Variants in DAAM1 observed in about 807,000 individuals in gnomAD.
The protein encoded by DAAM1 is dishevelled associated activator of morphogenesis 1, also known as disheveled-associated activator of morphogenesis 1.
Under a neutral mutation model 130.0 loss-of-function variants are expected in DAAM1, and 52 were observed. That is an observed-to-expected ratio of 0.40 (90% CI 0.32 to 0.50). The LOEUF (loss-of-function observed/expected upper bound fraction) is 0.50. DAAM1 is among the 20% of genes least tolerant of loss of function. The pLI, the probability that DAAM1 is intolerant of heterozygous loss-of-function variation, is 0.61. For missense variants in DAAM1, 1,134 were observed against 1,303.8 expected (o/e 0.87, Z 2.01); for synonymous variants, 452 against 444.5 (o/e 1.02, Z -0.21).
chr14:59,238,561 T>G (rs1308634821), intron 1 of DAAM1, among the ~76,000 whole-genome samples: 2 of 152,060 alleles, frequency 1.3e-5, no homozygotes, highest in East Asian at 3.9e-4. Flanking sequence ...GCACTTGTAC[T>G]TACTGTGATC....
intron 22 of DAAM1, chr14:59,363,415 G>C: frequency 2.3e-6 from 1 of 441,764 alleles, no homozygotes; most frequent in Non-Finnish European, 4.1e-6. Flanking sequence ...CATAGATCAA[G>C]TACTTAGATT....
chr14:59,254,968 C>T (rs1394072112), intron 1 of DAAM1, among the ~76,000 whole-genome samples: 1 of 152,198 alleles, frequency 6.6e-6, no homozygotes, highest in South Asian at 2.1e-4. Flanking sequence ...CCTGGGTGCC[C>T]TCCTCCCTTA....
intron 1 of DAAM1, among the ~76,000 whole-genome samples, chr14:59,227,373 A>G (rs991481665): frequency 9.9e-5 from 15 of 152,140 alleles, no homozygotes; most frequent in African/African-American, 3.6e-4. Context: ...CTGACTATGT[A>G]GGTCACCTTC....
chr14:59,214,445 A>C (rs1313471025), intron 1 of DAAM1, among the ~76,000 whole-genome samples: 1 of 152,230 alleles, frequency 6.6e-6, no homozygotes, highest in African/African-American at 2.4e-5. Context: ...ACTGTGGAAA[A>C]GCCAGATGTC....
chr14:59,313,440 A>G (rs1197084871), intron 3 of DAAM1, among the ~76,000 whole-genome samples: 2 of 152,258 alleles, frequency 1.3e-5, no homozygotes, highest in Non-Finnish European at 2.9e-5. Flanking sequence ...GCATTATTAA[A>G]ACATTTCCAA....
chr14:59,283,182 C>G (rs1430357016), intron 2 of DAAM1, among the ~76,000 whole-genome samples: 1 of 152,140 alleles, frequency 6.6e-6, no homozygotes, highest in Non-Finnish European at 1.5e-5. Context: ...TAGTACAGTT[C>G]TCTCTCACAC....
chr14:59,293,311 G>A (rs1165621768), intron 3 of DAAM1, among the ~76,000 whole-genome samples: 1 of 152,180 alleles, frequency 6.6e-6, no homozygotes, highest in Non-Finnish European at 1.5e-5. Flanking sequence ...CTGCCCCTTA[G>A]ATTAGAAAAG....
intron 3 of DAAM1, among the ~76,000 whole-genome samples, chr14:59,314,933 C>G (rs1198747585): frequency 6.6e-6 from 1 of 152,122 alleles, no homozygotes; most frequent in African/African-American, 2.4e-5. Flanking sequence ...CTCATGGATT[C>G]CATCCAGGTG....
intron 16 of DAAM1, among the ~76,000 whole-genome samples, chr14:59,343,317 C>A (rs1288977193): frequency 6.6e-6 from 1 of 152,188 alleles, no homozygotes; most frequent in Non-Finnish European, 1.5e-5. Context: ...AGATAAGGGC[C>A]TCTGTTGTCC....
At chr14:59,242,794 G>C (rs1881188922) in intron 1 of DAAM1, among the ~76,000 whole-genome samples, 1 of 152,034 alleles carries the variant, frequency 6.6e-6, no homozygotes, top group Non-Finnish European at 1.5e-5. Context: ...TCTTGACCTC[G>C]TGATCTGCCT....
chr14:59,210,836 G>T (rs1380787856), intron 1 of DAAM1, among the ~76,000 whole-genome samples: 2 of 152,182 alleles, frequency 1.3e-5, no homozygotes, highest in Non-Finnish European at 2.9e-5. Context: ...AAATAAGGAG[G>T]TAGAACAATG....
chr14:59,268,400 A>G (rs1594789747), intron 2 of DAAM1, among the ~76,000 whole-genome samples: 2 of 152,306 alleles, frequency 1.3e-5, no homozygotes, highest in African/African-American at 4.8e-5. Flanking sequence ...ACTGTGTTGA[A>G]CTTTTGAGAA....
chr14:59,217,892 C>A (rs1888638932), intron 1 of DAAM1, among the ~76,000 whole-genome samples: 2 of 151,476 alleles, frequency 1.3e-5, no homozygotes, highest in South Asian at 4.2e-4. Flanking sequence ...GAGACTGAGG[C>A]AGGAAAATCA....
At chr14:59,248,868 C>A (rs1372478543) in intron 1 of DAAM1, among the ~76,000 whole-genome samples, 2 of 152,170 alleles carry the variant, frequency 1.3e-5, no homozygotes, top group Admixed American at 1.3e-4. Context: ...ACTGCAACTT[C>A]CGCCTGCCTC....
chr14:59,315,241 A>G, intron 3 of DAAM1, 39 bp from the exon 4 acceptor site: 1 of 1,586,876 alleles, frequency 6.3e-7, no homozygotes, highest in East Asian at 2.2e-5. Context: ...CTGTGTGTAT[A>G]TGTTGGGTGG....
At chr14:59,326,867 G>A in intron 11 of DAAM1, 66 bp from the exon 12 acceptor site, 14 of 1,595,230 alleles carry the variant, frequency 8.8e-6, no homozygotes, top group Non-Finnish European at 1.2e-5. Context: ...TGTACCTGGG[G>A]AGAATGCAGT....
intron 2 of DAAM1, among the ~76,000 whole-genome samples, chr14:59,269,432 G>A (rs1310065673): frequency 6.6e-6 from 1 of 152,228 alleles, no homozygotes; most frequent in East Asian, 1.9e-4. Context: ...GAGCCCCTTT[G>A]GGGAGCTCTA....
intron 4 of DAAM1, among the ~76,000 whole-genome samples, chr14:59,319,090 G>A (rs1438127324): frequency 6.6e-6 from 1 of 152,142 alleles, no homozygotes; most frequent in Admixed American, 6.5e-5. Context: ...AACGTTCTTG[G>A]CTGGATTTGT....
intron 3 of DAAM1, among the ~76,000 whole-genome samples, chr14:59,297,990 G>A (rs769890028): frequency 3.4e-4 from 51 of 152,142 alleles, no homozygotes; most frequent in Non-Finnish European, 6.3e-4. Context: ...GAGGTAGGTG[G>A]ACAGAAAAAT....
Sources: allele counts gnomAD v4.1 joint callset (sites outside exome capture counted in the v4.1 genomes callset), GRCh38; gene constraint gnomAD v4.1.1; transcripts MANE v1.5; gene names NCBI Gene and HGNC (gene_info 2026-07-23, HGNC 2026-07-21).